Variants in FREM1 observed in about 807,000 individuals in gnomAD.
FREM1 encodes FRAS1-related extracellular matrix protein 1.
Under a neutral mutation model 210.1 loss-of-function variants are expected in FREM1, and 220 were observed. The ratio of observed to expected loss-of-function variants is 1.05; its 90% CI spans 0.94 to 1.17. FREM1 has a LOEUF of 1.17. Among genes scored for constraint, FREM1 ranks in the 50% most tolerant of loss-of-function variants. The probability of loss-of-function intolerance (pLI) is 0.00; values close to 1 mark genes in which losing one functional copy is unlikely to be tolerated. For missense variants in FREM1, 3,454 were observed against 2,675.5 expected, an observed-to-expected ratio of 1.29 and a Z score of -6.42; for synonymous variants, 1,189 against 980.2, an observed-to-expected ratio of 1.21 and a Z score of -3.98.
chr9:14,860,904 C>CGT (rs1437266577), intron 3 of FREM1, among the ~76,000 whole-genome samples: 6 of 74,172 alleles, frequency 8.1e-5, no homozygotes, highest in South Asian at 3.4e-4. Flanking sequence ...CATATATACA[C>CGT]ATATACACAT....
chr9:14,827,008 G>C (rs1461843394), intron 10 of FREM1, among the ~76,000 whole-genome samples: 4 of 152,366 alleles, frequency 2.6e-5, no homozygotes, highest in African/African-American at 7.2e-5. Flanking sequence ...GACTAAGACA[G>C]AGTTAGGTAC....
chr9:14,802,138 AAAT>A (rs1231478617), intron 19 of FREM1, among the ~76,000 whole-genome samples: 1 of 152,198 alleles, frequency 6.6e-6, no homozygotes, highest in Non-Finnish European at 1.5e-5. Context: ...ATAATTTTTA[AAAT>A]ATGTATTGTT....
rs10961690 is a variant in FREM1, at chr9:14,737,618, A to G, written c.6341-23T>C. On this transcript the variant is annotated intron_variant, in intron 36 of 36. Coordinates refer to ENST00000380880, the MANE Select transcript of FREM1 (RefSeq NM_001379081.2). ...AACCTAATGTGAACCAAAAGAATGT[A>G]CCAATTACTTTTATTGCGTTTATAC... 1,057,040 of 1,465,046 alleles carry G rather than the reference A, an allele frequency of 0.72. 382,548 individuals are homozygous for G. Among genetic ancestry groups the G allele is most frequent in the Middle Eastern group, 0.8 (4,451 of 5,576 alleles). 90.8% of individuals were successfully genotyped at this position (1,465,046 alleles called of 1,614,324 possible). A position where few individuals can be genotyped will look rare whatever the true frequency, so the allele number is the denominator to read the frequency against.
chr9:14,806,506 G>A (rs1300482733), intron 18 of FREM1, among the ~76,000 whole-genome samples, 155 bp downstream of exon 18: 1 of 151,980 alleles, frequency 6.6e-6, no homozygotes, highest in African/African-American at 2.4e-5. Context: ...TGCCCATCTC[G>A]GCCTCCCAAA....
chr9:14,786,574 G>A (rs1400806963), intron 23 of FREM1, among the ~76,000 whole-genome samples: 1 of 152,148 alleles, frequency 6.6e-6, no homozygotes, highest in African/African-American at 2.4e-5. Flanking sequence ...GTCATAACTG[G>A]GAGTTGCTAC....
chr9:14,767,518 C>A (rs189939495), intron 27 of FREM1, among the ~76,000 whole-genome samples: 7 of 152,210 alleles, frequency 4.6e-5, no homozygotes, highest in Admixed American at 2.0e-4. Context: ...TATGATGGTA[C>A]CTGACTCATA....
intron 21 of FREM1, among the ~76,000 whole-genome samples, chr9:14,793,992 G>C (rs1056853218): frequency 1.3e-5 from 2 of 152,218 alleles, no homozygotes; most frequent in Non-Finnish European, 2.9e-5. Context: ...TGGTCAGACA[G>C]ATTAATCAAA....
rs748962196 is a variant in FREM1, at chr9:14,845,996, C to T, written c.1357G>A (p.Val453Ile). ...DDIGAVRLVT[V>I]GGLQHGWLTL... is the part of the protein sequence containing the mutation. ...AGCCATCCATGCTGCAGGCCACCAA[C>T]GGTGACTAGCCGGACAGCACCAATG... The change falls in exon 8 of 37, where the codon GTT becomes ATT. Residue 453 changes from valine to isoleucine, a missense_variant. Coordinates refer to ENST00000380880, the MANE Select transcript of FREM1 (RefSeq NM_001379081.2). The T allele has an allele frequency of 5.7e-5, 92 of 1,613,342 alleles. No homozygotes were observed. In the Admixed American group the frequency reaches 7.8e-4, roughly 14 times the overall value.
At chr9:14,777,963 T>G (rs1848912604) in intron 24 of FREM1, among the ~76,000 whole-genome samples, 1 of 152,180 alleles carries the variant, frequency 6.6e-6, no homozygotes, top group South Asian at 2.1e-4. Flanking sequence ...TTAATAAGAC[T>G]GTTGACAAGG....
intron 1 of FREM1, among the ~76,000 whole-genome samples, chr9:14,878,861 A>T (rs891175328): frequency 2.0e-5 from 3 of 152,106 alleles, no homozygotes; most frequent in Middle Eastern, 3.2e-3. Context: ...AAAAGAAAAA[A>T]CAAAAACAAA....
In FREM1 at chr9:14,813,073, T is replaced by TA; in HGVS notation, c.2641-10_2641-9insT. ...TCGTTGACAGGGAATACCTAGGCAATGGAAAAAATGCATGTTTTCAGAAAA... is the reference window on the plus strand; with the variant it reads ...TCGTTGACAGGGAATACCTAGGCAATAGGAAAAAATGCATGTTTTCAGAAAA... On this transcript the variant is annotated splice_polypyrimidine_tract_variant and intron_variant, in intron 15 of 36. Transcript: ENST00000380880. 2 of 1,585,542 alleles carry TA rather than the reference T, an allele frequency of 1.3e-6. No individual in the cohort carries two copies. The highest frequency in any genetic ancestry group is 1.4e-5 in the African/African-American group (1 of 73,838).
intron 2 of FREM1, among the ~76,000 whole-genome samples, chr9:14,864,186 T>C (rs552977177): frequency 6.6e-6 from 1 of 152,320 alleles, no homozygotes; most frequent in East Asian, 1.9e-4. Context: ...TAAGTGTCTT[T>C]TTACCACCTA....
chr9:14,831,539 G>T (rs1303105352), intron 10 of FREM1, among the ~76,000 whole-genome samples: 1 of 152,128 alleles, frequency 6.6e-6, no homozygotes, highest in African/African-American at 2.4e-5. Flanking sequence ...TTCCTTTAAG[G>T]CACCTATTTT....
intron 1 of FREM1, among the ~76,000 whole-genome samples, chr9:14,884,586 G>GA (rs1363492637): frequency 6.6e-6 from 1 of 152,154 alleles, no homozygotes; most frequent in Non-Finnish European, 1.5e-5. Flanking sequence ...ATAATTGGTG[G>GA]AGGGGAAATG....
At chr9:14,904,398 T>A (rs1316214151) in intron 1 of FREM1, among the ~76,000 whole-genome samples, 3 of 152,124 alleles carry the variant, frequency 2.0e-5, no homozygotes, top group Non-Finnish European at 4.4e-5. Flanking sequence ...ACAATCAAGA[T>A]CCACAGCTTT....
chr9:14,907,183 T>A (rs912698111), intron 1 of FREM1, among the ~76,000 whole-genome samples: 13 of 149,414 alleles, frequency 8.7e-5, no homozygotes, highest in African/African-American at 3.0e-4. Context: ...CTCAAACATA[T>A]TATCTTCAGA....
At chr9:14,830,906 T>C (rs7869013) in intron 10 of FREM1, among the ~76,000 whole-genome samples, 65,786 of 152,050 alleles carry the variant, frequency 0.43, 14,638 homozygotes, top group African/African-American at 0.54. Flanking sequence ...TCTGTCATTC[T>C]GAGGCACTCT....
intron 29 of FREM1, among the ~76,000 whole-genome samples, chr9:14,753,454 A>G (rs1212859541): frequency 6.6e-6 from 1 of 152,206 alleles, no homozygotes; most frequent in African/African-American, 2.4e-5. Flanking sequence ...ATATCCACTC[A>G]AGACTAGTCA....
At chr9:14,858,701 AAT>A (rs1205365409) in intron 4 of FREM1, among the ~76,000 whole-genome samples, 1 of 152,184 alleles carries the variant, frequency 6.6e-6, no homozygotes, top group African/African-American at 2.4e-5. Flanking sequence ...TAGCAGAAGG[AAT>A]GTTACCCATA....
Sources: allele counts gnomAD v4.1 joint callset (sites outside exome capture counted in the v4.1 genomes callset), GRCh38; gene constraint gnomAD v4.1.1; transcripts MANE v1.5; gene names NCBI Gene and HGNC (gene_info 2026-07-23, HGNC 2026-07-21).